The following STK32B variants were observed in gnomAD, a reference collection of about 807,000 sequenced individuals.
STK32B encodes the protein serine/threonine kinase 32B, also known as serine/threonine-protein kinase 32B.
A neutral mutation model predicts 52.6 loss-of-function variants in STK32B; 43 were observed. The ratio of observed to expected loss-of-function variants is 0.82; its 90% CI spans 0.64 to 1.05. STK32B has a LOEUF of 1.05. STK32B is among the 50% of genes least tolerant of loss of function. The pLI, the probability that STK32B is intolerant of heterozygous loss-of-function variation, is 0.00. For synonymous variants in STK32B, 238 were observed against 204.3 expected, an observed-to-expected ratio of 1.17 and a Z score of -1.41; for missense variants, 621 against 534.6, an observed-to-expected ratio of 1.16 and a Z score of -1.59.
chr4:5,452,747 C>T (rs570309703), intron 7 of STK32B, among the ~76,000 whole-genome samples: 1 of 152,234 alleles, frequency 6.6e-6, no homozygotes, highest in East Asian at 1.9e-4. Context: ...AATTCTTTTC[C>T]TCTGTCTTCT....
At chr4:5,108,268 C>T (rs1364644526) in intron 1 of STK32B, among the ~76,000 whole-genome samples, 1 of 152,206 alleles carries the variant, frequency 6.6e-6, no homozygotes, top group Non-Finnish European at 1.5e-5. Flanking sequence ...ATCCATTTTG[C>T]TTCTGAGGCA....
intron 1 of STK32B, among the ~76,000 whole-genome samples, chr4:5,135,139 G>T (rs1165789216): frequency 5.9e-5 from 9 of 152,190 alleles, no homozygotes; most frequent in Admixed American, 5.9e-4. Flanking sequence ...GACCAGTGTT[G>T]TATCACAAGG....
chr4:5,463,087 C>T (rs569285296), intron 9 of STK32B, among the ~76,000 whole-genome samples: 32 of 152,350 alleles, frequency 2.1e-4, no homozygotes, highest in Non-Finnish European at 2.6e-4. Context: ...GAGTAGAGCC[C>T]GGAGGCTTCC....
In STK32B at chr4:5,325,138, T is replaced by A. The variant is rs73794560; in HGVS notation, c.261-6082T>A. Among the ~76,000 whole-genome samples the A allele has an allele frequency of 6.1e-3, 933 of 152,334 alleles. 19 individuals carry two copies. Among genetic ancestry groups the A allele is most frequent in the African/African-American group, 0.015 (606 of 41,574 alleles). On this transcript the variant is annotated intron_variant, in intron 3 of 11. Coordinates refer to ENST00000282908, the MANE Select transcript of STK32B (RefSeq NM_018401.3). The stretch of plus-strand genomic sequence containing the variant: ...CATTGCTTCTATGAAATTGGATTTT[T>A]AATGCCTTCAGCCTACCTTGAAGCA...
intron 4 of STK32B, among the ~76,000 whole-genome samples, chr4:5,387,246 A>G (rs1383510106): frequency 6.6e-6 from 1 of 152,126 alleles, no homozygotes; most frequent in Non-Finnish European, 1.5e-5. Context: ...CTCATGACAA[A>G]TTTACAGACG....
At chr4:5,219,249 T>G (rs994968159) in intron 3 of STK32B, among the ~76,000 whole-genome samples, 6 of 152,228 alleles carry the variant, frequency 3.9e-5, no homozygotes, top group African/African-American at 1.4e-4. Flanking sequence ...TGCTGGCCTC[T>G]GGAGGCCCTG....
intron 4 of STK32B, among the ~76,000 whole-genome samples, chr4:5,331,980 T>A (rs982002143): frequency 1.1e-4 from 16 of 152,184 alleles, no homozygotes; most frequent in African/African-American, 3.9e-4. Context: ...GGAAAGTGAT[T>A]GTATCATTCA....
At chr4:5,434,852 C>T (rs560160311) in intron 6 of STK32B, among the ~76,000 whole-genome samples, 27 of 152,188 alleles carry the variant, frequency 1.8e-4, no homozygotes, top group African/African-American at 6.0e-4. Flanking sequence ...AATAAATGGC[C>T]CCCCTAAGAT....
In STK32B at chr4:5,125,002, A is replaced by G. The variant is rs77706842; in HGVS notation, c.53-14903A>G. Among the ~76,000 whole-genome samples the G allele has an allele frequency of 4.8e-3, 725 of 152,312 alleles. 8 individuals carry two copies. Among genetic ancestry groups the G allele is most frequent in the African/African-American group, 0.017 (689 of 41,572 alleles). On this transcript the variant is annotated intron_variant, in intron 1 of 11. Transcript: ENST00000282908. Reference sequence around the variant, plus strand: ...TTCAACTATTAGCAGAAAGGAAAGTAAGGTAGATTTGAAGCGGAAGAGGGA... The same window carrying G: ...TTCAACTATTAGCAGAAAGGAAAGTGAGGTAGATTTGAAGCGGAAGAGGGA...
intron 3 of STK32B, among the ~76,000 whole-genome samples, chr4:5,192,800 T>C (rs7681633): frequency 6.6e-6 from 1 of 152,108 alleles, no homozygotes; most frequent in East Asian, 1.9e-4. Flanking sequence ...GTTGTCACCA[T>C]GCTGTACATT....
rs184106189 is a variant in STK32B, at chr4:5,343,497, C to G, written c.434+12104C>G. Among the ~76,000 whole-genome samples the G allele has an allele frequency of 2.7e-3, 407 of 152,236 alleles. 1 individual carries two copies. Among genetic ancestry groups the G allele is most frequent in the South Asian group, 0.017 (81 of 4,820 alleles). Reference sequence around the variant, plus strand: ...GGGATGGCTGGGTCAAATGGTATTTCTAGTTCTAGATCCCTGAGGAATCGC... The same window carrying G: ...GGGATGGCTGGGTCAAATGGTATTTGTAGTTCTAGATCCCTGAGGAATCGC... On this transcript the variant is annotated intron_variant, in intron 4 of 11. Transcript: ENST00000282908.
At chr4:5,278,166 G>T (rs956987173) in intron 3 of STK32B, among the ~76,000 whole-genome samples, 2 of 152,190 alleles carry the variant, frequency 1.3e-5, no homozygotes, top group Non-Finnish European at 2.9e-5. Context: ...GCTAGTCTAT[G>T]ACATGAAGAG....
At chr4:5,317,643 T>A (rs1731194104) in intron 3 of STK32B, among the ~76,000 whole-genome samples, 1 of 147,282 alleles carries the variant, frequency 6.8e-6, no homozygotes, top group African/African-American at 2.6e-5. Context: ...GACCAGGCCC[T>A]GAGTGGATGC....
chr4:5,079,771 G>T (rs574794389), intron 1 of STK32B, among the ~76,000 whole-genome samples: 1 of 152,110 alleles, frequency 6.6e-6, no homozygotes, highest in Non-Finnish European at 1.5e-5. Context: ...GTACTCTTTT[G>T]TCTGAGTCAC....
At chr4:5,207,340 G>T (rs572541002) in intron 3 of STK32B, among the ~76,000 whole-genome samples, 2 of 152,126 alleles carry the variant, frequency 1.3e-5, no homozygotes, top group East Asian at 1.9e-4. Context: ...AGGTTTTCCC[G>T]TGCTTTTCTC....
Position 5,296,856 on chromosome 4 carries a change from T to C in STK32B, c.261-34364T>C, listed in dbSNP as rs60737984. Among the ~76,000 whole-genome samples the C allele has an allele frequency of 3.6e-3, 543 of 152,340 alleles. 4 individuals are homozygous for C. Among genetic ancestry groups the C allele is most frequent in the African/African-American group, 0.013 (525 of 41,590 alleles). On this transcript the variant is annotated intron_variant, in intron 3 of 11. Transcript: ENST00000282908. ...ATTAGTTGATTCAGTTTCTTCATAG[T>C]GTCATTGGTCTTTATATTTTGGTAT...
chr4:5,383,798 G>A (rs1203529381), intron 4 of STK32B, among the ~76,000 whole-genome samples: 2 of 152,226 alleles, frequency 1.3e-5, no homozygotes, highest in African/African-American at 2.4e-5. Context: ...AACTATCCAC[G>A]CAGCTCTTTA....
At chr4:5,120,843 T>C (rs1412321799) in intron 1 of STK32B, among the ~76,000 whole-genome samples, 1 of 151,452 alleles carries the variant, frequency 6.6e-6, no homozygotes, top group Non-Finnish European at 1.5e-5. Context: ...ATAATTTCTA[T>C]ATATTATAAA....
intron 4 of STK32B, among the ~76,000 whole-genome samples, chr4:5,358,406 C>A (rs1168776346): frequency 6.6e-6 from 1 of 152,160 alleles, no homozygotes; most frequent in Non-Finnish European, 1.5e-5. Context: ...TTGGAAATGT[C>A]AGCACAAAGT....
Sources: gnomAD v4.1 joint callset for allele counts (sites outside exome capture counted in the v4.1 genomes callset) on GRCh38, gnomAD v4.1.1 for gene constraint, MANE v1.5 for transcripts, NCBI Gene and HGNC (gene_info 2026-07-23, HGNC 2026-07-21) for gene names.